Variants in PCLO observed in about 807,000 individuals in gnomAD.
The protein encoded by PCLO is piccolo presynaptic cytomatrix protein.
A neutral mutation model predicts 427.5 loss-of-function variants in PCLO; 82 were observed. The ratio of observed to expected loss-of-function variants is 0.19; its 90% CI spans 0.16 to 0.23. The LOEUF (loss-of-function observed/expected upper bound fraction) is 0.23. Ranked by LOEUF, PCLO falls within the 10% of genes least tolerant of loss-of-function variation. The pLI is 1.00. For missense variants in PCLO, 6,239 were observed against 6,115.9 expected, an observed-to-expected ratio of 1.02 and a Z score of -0.67; for synonymous variants, 2,357 against 2,155.4, an observed-to-expected ratio of 1.09 and a Z score of -2.59.
intron 3 of PCLO, among the ~76,000 whole-genome samples, chr7:82,998,966 G>C (rs1298538437): frequency 1.3e-5 from 2 of 151,236 alleles, no homozygotes; most frequent in African/African-American, 4.9e-5. Context: ...GACGGTTTGA[G>C]CAGATAAATG....
At chr7:83,085,087 A>T (rs1584000876) in intron 3 of PCLO, among the ~76,000 whole-genome samples, 1 of 152,246 alleles carries the variant, frequency 6.6e-6, no homozygotes, top group South Asian at 2.1e-4. Flanking sequence ...TGGCTCAAAG[A>T]TCATAAAAAC....
At chr7:82,774,383 G>A (rs571711204) in intron 22 of PCLO, among the ~76,000 whole-genome samples, 3 of 152,122 alleles carry the variant, frequency 2.0e-5, no homozygotes, top group Admixed American at 6.5e-5. Flanking sequence ...TTTGTACACT[G>A]TGCCATTATT....
At chr7:82,991,489 T>A (rs1394676668) in intron 3 of PCLO, among the ~76,000 whole-genome samples, 1 of 152,130 alleles carries the variant, frequency 6.6e-6, no homozygotes, top group Non-Finnish European at 1.5e-5. Context: ...CTTTTTACTA[T>A]CATGAACCCT....
At chr7:82,930,309 G>A (rs1197871863) in intron 6 of PCLO, among the ~76,000 whole-genome samples, 1 of 152,108 alleles carries the variant, frequency 6.6e-6, no homozygotes, top group East Asian at 1.9e-4. Context: ...GGGAGAAACA[G>A]CATTAGGAGG....
chr7:82,768,507 A>C (rs2129467771), intron 22 of PCLO, among the ~76,000 whole-genome samples: 1 of 152,160 alleles, frequency 6.6e-6, no homozygotes, highest in South Asian at 2.1e-4. Context: ...GAAAATTTTT[A>C]ATAAAGTAAT....
intron 6 of PCLO, among the ~76,000 whole-genome samples, chr7:82,945,043 G>A (rs1795169115): frequency 6.6e-6 from 1 of 152,008 alleles, no homozygotes; most frequent in Non-Finnish European, 1.5e-5. Flanking sequence ...TGAAAATACA[G>A]TATTACTAAG....
chr7:82,779,603 T>C (rs1034201244), intron 22 of PCLO, among the ~76,000 whole-genome samples: 4 of 152,102 alleles, frequency 2.6e-5, no homozygotes, highest in South Asian at 2.1e-4. Context: ...AAATCTTACT[T>C]AGAATGAAGA....
Position 82,897,123 on chromosome 7 carries a change from C to T in PCLO, c.13528+5528G>A, listed in dbSNP as rs1156493879. ...ACATTTGTTGAGCATACAGTAAGTA[C>T]AAGATTTTGTGTTAGGTTCACTTAC... On this transcript the variant is annotated intron_variant, in intron 9 of 24. Transcript: ENST00000333891. 2.6e-5 allele frequency among the ~76,000 whole-genome samples: 4 copies of T among 151,606 alleles called. No individual in the cohort carries two copies. In the East Asian group the frequency reaches 5.8e-4, roughly 22 times the overall value.
chr7:82,764,240 C>T (rs1480942638), intron 22 of PCLO, among the ~76,000 whole-genome samples: 3 of 151,838 alleles, frequency 2.0e-5, no homozygotes, highest in Non-Finnish European at 2.9e-5. Context: ...ACTAACAAAC[C>T]AGGCAGTCAA....
intron 3 of PCLO, among the ~76,000 whole-genome samples, chr7:83,028,839 G>A (rs934506256): frequency 2.6e-5 from 4 of 151,456 alleles, no homozygotes; most frequent in African/African-American, 4.8e-5. Context: ...ACAAACCTGA[G>A]AAAAACAAGC....
At chr7:82,940,494 G>C (rs956736039) in intron 6 of PCLO, among the ~76,000 whole-genome samples, 2 of 152,050 alleles carry the variant, frequency 1.3e-5, no homozygotes, top group Non-Finnish European at 2.9e-5. Context: ...ATATTAGAGA[G>C]CTAAAACAAT....
chr7:82,913,098 T>G (rs572570895), intron 7 of PCLO, among the ~76,000 whole-genome samples: 2 of 152,164 alleles, frequency 1.3e-5, no homozygotes, highest in Admixed American at 6.6e-5. Context: ...CAATGTACAT[T>G]TATTCAAATA....
chr7:82,775,597 G>A (rs1364031977), intron 22 of PCLO, among the ~76,000 whole-genome samples: 2 of 152,136 alleles, frequency 1.3e-5, no homozygotes, highest in Admixed American at 6.5e-5. Context: ...ATTCCTTAAA[G>A]TTCTTTTATA....
chr7:83,091,506 A>G (rs1022847920), intron 3 of PCLO, among the ~76,000 whole-genome samples: 4 of 152,176 alleles, frequency 2.6e-5, no homozygotes, highest in African/African-American at 9.6e-5. Flanking sequence ...CTCAAAATAA[A>G]AATGGTGTAA....
At chr7:82,812,460 G>T (rs1177925713) in intron 20 of PCLO, among the ~76,000 whole-genome samples, 4 of 151,444 alleles carry the variant, frequency 2.6e-5, no homozygotes, top group Non-Finnish European at 5.9e-5. Flanking sequence ...TTTTAGTTCA[G>T]AAGTGATTTT....
At chr7:83,130,234 T>C (rs148418893) in intron 3 of PCLO, among the ~76,000 whole-genome samples, 13 of 152,282 alleles carry the variant, frequency 8.5e-5, no homozygotes, top group African/African-American at 3.1e-4. Context: ...CGCTGGAGTG[T>C]AGTAGGGAAA....
At chr7:83,060,586 C>T (rs1007618201) in intron 3 of PCLO, among the ~76,000 whole-genome samples, 1 of 152,102 alleles carries the variant, frequency 6.6e-6, no homozygotes, top group Admixed American at 6.6e-5. Flanking sequence ...TTACCCAACC[C>T]TCTAAATTTA....
chr7:83,112,018 A>G (rs762694462), intron 3 of PCLO, among the ~76,000 whole-genome samples: 2 of 149,656 alleles, frequency 1.3e-5, no homozygotes, highest in Non-Finnish European at 3.0e-5. Context: ...GAGTATTTTA[A>G]TTAGGAAATG....
chr7:82,962,957 GA>G (rs1795685413), intron 4 of PCLO, among the ~76,000 whole-genome samples: 1 of 151,894 alleles, frequency 6.6e-6, no homozygotes, highest in South Asian at 2.1e-4. Flanking sequence ...TTACCTCATG[GA>G]AAATTAGTTA....
Sources: gnomAD v4.1 joint callset for allele counts (sites outside exome capture counted in the v4.1 genomes callset) on GRCh38, gnomAD v4.1.1 for gene constraint, MANE v1.5 for transcripts, NCBI Gene and HGNC (gene_info 2026-07-23, HGNC 2026-07-21) for gene names.